Variants in TNRC6A observed in about 807,000 individuals in gnomAD.
The protein encoded by TNRC6A is trinucleotide repeat-containing gene 6A protein.
Under a neutral mutation model 221.2 loss-of-function variants are expected in TNRC6A, and 44 were observed. That is an observed-to-expected ratio of 0.20 (90% CI 0.16 to 0.26). TNRC6A has a LOEUF of 0.26. Among genes scored for constraint, TNRC6A ranks in the 10% least tolerant of loss-of-function variants. The pLI, the probability that TNRC6A is intolerant of heterozygous loss-of-function variation, is 1.00. For missense variants in TNRC6A, 2,199 were observed against 2,404.4 expected (o/e 0.91, Z 1.79); for synonymous variants, 847 against 838.5 (o/e 1.01, Z -0.18).
chr16:24,707,913 G>T (rs937040979), intron 2 of TNRC6A, among the ~76,000 whole-genome samples: 1 of 152,110 alleles, frequency 6.6e-6, no homozygotes, highest in Non-Finnish European at 1.5e-5. Flanking sequence ...ACAAACATTA[G>T]CCCGGTGTGA....
intron 11 of TNRC6A, 58 bp from the exon 12 acceptor site, chr16:24,804,119 T>G: frequency 6.6e-7 from 1 of 1,524,128 alleles, no homozygotes; most frequent in Non-Finnish European, 8.8e-7. Context: ...TGTTGTAAAT[T>G]TATCTGAAAC....
chr16:24,712,627 C>T (rs1229172051), intron 2 of TNRC6A, among the ~76,000 whole-genome samples: 6 of 152,168 alleles, frequency 3.9e-5, no homozygotes, highest in Non-Finnish European at 1.5e-5. Flanking sequence ...ATTTCCGTCT[C>T]ATATCATTTT....
intron 2 of TNRC6A, among the ~76,000 whole-genome samples, chr16:24,654,079 T>A (rs935436170): frequency 5.3e-5 from 8 of 152,120 alleles, no homozygotes; most frequent in African/African-American, 1.7e-4. Flanking sequence ...AATTTTTTAA[T>A]GTTTTGCAGA....
chr16:24,681,417 AG>A (rs2055531342), intron 2 of TNRC6A, among the ~76,000 whole-genome samples: 1 of 151,752 alleles, frequency 6.6e-6, no homozygotes, highest in Non-Finnish European at 1.5e-5. Context: ...TAGTAGAGAC[AG>A]GGTTTTCCCA....
intron 2 of TNRC6A, among the ~76,000 whole-genome samples, chr16:24,677,880 T>C (rs1360573915): frequency 6.8e-6 from 1 of 148,108 alleles, no homozygotes; most frequent in African/African-American, 2.4e-5. Flanking sequence ...GCCCGCGTGG[T>C]TGCTGGATGA....
intron 4 of TNRC6A, among the ~76,000 whole-genome samples, chr16:24,764,966 AT>A (rs995485411): frequency 6.6e-6 from 1 of 152,242 alleles, no homozygotes; most frequent in Non-Finnish European, 1.5e-5. Context: ...TGTAATAGTT[AT>A]CAGAATTTGG....
At chr16:24,805,476 A>G (rs2058411352) in intron 14 of TNRC6A, 129 bp from the exon 15 acceptor site, 1 of 1,334,628 alleles carries the variant, frequency 7.5e-7, no homozygotes, top group Non-Finnish European at 1.0e-6. Flanking sequence ...TAAGACAGAG[A>G]CAAAGACTAT....
chr16:24,647,939 T>C (rs369293082), intron 2 of TNRC6A, among the ~76,000 whole-genome samples: 1 of 152,138 alleles, frequency 6.6e-6, no homozygotes, highest in South Asian at 2.1e-4. Context: ...GTTTGACTAC[T>C]CTAGGAAATT....
intron 2 of TNRC6A, among the ~76,000 whole-genome samples, chr16:24,653,484 T>C (rs1902776045): frequency 6.6e-6 from 1 of 152,152 alleles, no homozygotes; most frequent in Non-Finnish European, 1.5e-5. Context: ...TAAAAAATAC[T>C]TCTATTAACT....
intron 2 of TNRC6A, among the ~76,000 whole-genome samples, chr16:24,746,208 A>G (rs570770765): frequency 7.3e-4 from 111 of 152,114 alleles, no homozygotes; most frequent in Non-Finnish European, 1.3e-3. Context: ...TTGTTTTCTT[A>G]TTTCAGATGT....
intron 2 of TNRC6A, among the ~76,000 whole-genome samples, chr16:24,735,446 T>C (rs2056743588): frequency 1.3e-5 from 2 of 152,254 alleles, no homozygotes; most frequent in African/African-American, 4.8e-5. Flanking sequence ...TGATACGGTT[T>C]GCAGGCCAAC....
At chr16:24,616,916 A>C (rs1900384505) in intron 1 of TNRC6A, among the ~76,000 whole-genome samples, 1 of 151,686 alleles carries the variant, frequency 6.6e-6, no homozygotes, top group South Asian at 2.1e-4. Context: ...GTGAGACTCC[A>C]CCTCAAAAAA....
intron 1 of TNRC6A, among the ~76,000 whole-genome samples, chr16:24,612,318 G>A (rs1238451757): frequency 6.6e-6 from 1 of 152,050 alleles, no homozygotes; most frequent in East Asian, 1.9e-4. Flanking sequence ...TTTCCAAGAT[G>A]GAGAAACTGA....
At chr16:24,745,175 T>C (rs991067205) in intron 2 of TNRC6A, among the ~76,000 whole-genome samples, 6 of 152,244 alleles carry the variant, frequency 3.9e-5, no homozygotes, top group African/African-American at 1.4e-4. Flanking sequence ...AACTTCATTT[T>C]ATCCTATTCT....
chr16:24,758,484 C>T (rs985633631), intron 4 of TNRC6A, 124 bp downstream of exon 4: 1 of 977,758 alleles, frequency 1.0e-6, no homozygotes. Flanking sequence ...GATTAGCCTT[C>T]TTCAGTAACA....
At chr16:24,821,995 G>A (rs938479693) in intron 22 of TNRC6A, 82 bp from the exon 23 acceptor site, 1 of 1,323,774 alleles carries the variant, frequency 7.6e-7, no homozygotes, top group Non-Finnish European at 1.1e-6. Context: ...AGGAAGTCAA[G>A]AGGCCAGGTG....
chr16:24,612,341 C>T (rs1900093086), intron 1 of TNRC6A, among the ~76,000 whole-genome samples: 1 of 152,098 alleles, frequency 6.6e-6, no homozygotes, highest in South Asian at 2.1e-4. Flanking sequence ...CAAGGAGCAG[C>T]TCATTAGGTC....
At chr16:24,771,771 A>T (rs1176743773) in intron 4 of TNRC6A, among the ~76,000 whole-genome samples, 1 of 151,990 alleles carries the variant, frequency 6.6e-6, no homozygotes, top group African/African-American at 2.4e-5. Flanking sequence ...TGGAGGGATA[A>T]ATCTTGGGAG....
chr16:24,808,674 GA>G (rs1277776100), intron 17 of TNRC6A, among the ~76,000 whole-genome samples: 1 of 152,174 alleles, frequency 6.6e-6, no homozygotes, highest in African/African-American at 2.4e-5. Context: ...ACATCACATG[GA>G]CTCATCAGAC....
Sources: allele counts gnomAD v4.1 joint callset (sites outside exome capture counted in the v4.1 genomes callset), GRCh38; gene constraint gnomAD v4.1.1; transcripts MANE v1.5; gene names NCBI Gene and HGNC (gene_info 2026-07-23, HGNC 2026-07-21).